Variants in SESTD1 observed in about 807,000 individuals in gnomAD.
SESTD1 encodes SEC14 and spectrin domain containing 1.
Under a neutral mutation model 101.7 loss-of-function variants are expected in SESTD1, and 43 were observed. The observed-to-expected ratio is 0.42, with a 90% CI of 0.33 to 0.55. The LOEUF (loss-of-function observed/expected upper bound fraction) is 0.55, where lower values mean the gene tolerates loss of function less well. SESTD1 is among the 20% of genes least tolerant of loss of function. The probability of loss-of-function intolerance (pLI) is 0.07; values close to 1 mark genes in which losing one functional copy is unlikely to be tolerated. For missense variants in SESTD1, 647 were observed against 815.1 expected (o/e 0.79, Z 2.51); for synonymous variants, 283 against 286.8 (o/e 0.99, Z 0.13).
chr2:179,212,115 G>A (rs1052205476), intron 1 of SESTD1, among the ~76,000 whole-genome samples: 1 of 135,074 alleles, frequency 7.4e-6, no homozygotes, highest in Admixed American at 7.2e-5. Flanking sequence ...ATTTCCAACT[G>A]AGGTACCTGG....
rs2044418827 is a variant in SESTD1, at chr2:179,107,875, T to C, written c.*2024A>G. 6.6e-6 allele frequency: 1 copy of C among 152,110 alleles called. No individual in the cohort carries two copies. 9.4% of individuals were successfully genotyped at this position (152,110 alleles called of 1,614,324 possible). On this transcript the variant is annotated 3_prime_UTR_variant, in exon 18 of 18. Coordinates refer to ENST00000428443, the MANE Select transcript of SESTD1 (RefSeq NM_178123.5). ...TGAAATAAATAATCACAAAAGTTCA[T>C]ACTCATAGCAGTAAAGCCCCAAAGG...
intron 10 of SESTD1, among the ~76,000 whole-genome samples, chr2:179,124,771 G>T (rs1013144125): frequency 1.3e-5 from 2 of 151,980 alleles, no homozygotes; most frequent in Admixed American, 6.5e-5. Context: ...TGCTCTAAGT[G>T]AAACCTGTCC....
In SESTD1 at chr2:179,202,288, G is replaced by A. The variant is rs1225209426; in HGVS notation, c.-25-10422C>T. Among the ~76,000 whole-genome samples the A allele has an allele frequency of 3.0e-5, 4 of 133,320 alleles. 1 individual carries two copies. Among genetic ancestry groups the A allele is most frequent in the Non-Finnish European group, 4.8e-5 (3 of 62,350 alleles). 87.5% of individuals were successfully genotyped at this position (133,320 alleles called of 152,430 possible). ...TACTTTCTGCTTTTTCTCCCCTAAA[G>A]AAGGCCTAATAAAATAACACTCCCC... On this transcript the variant is annotated intron_variant, in intron 1 of 17. Transcript: ENST00000428443.
chr2:179,147,130 T>C (rs1038655034), intron 7 of SESTD1, among the ~76,000 whole-genome samples: 1 of 148,832 alleles, frequency 6.7e-6, no homozygotes, highest in East Asian at 1.9e-4. Flanking sequence ...CCTCAGATGC[T>C]TCCTGAGGAT....
At position 179,121,909 on chromosome 2, in the gene SESTD1, G is replaced by A. The variant is rs1442908789; in HGVS notation, c.1303C>T (p.Arg435Cys). The A allele has an allele frequency of 1.1e-5, 18 of 1,601,304 alleles. No homozygotes were observed. The highest frequency in any genetic ancestry group is 1.4e-5 in the Non-Finnish European group (17 of 1,175,622). The change falls in exon 13 of 18, where the codon CGT becomes TGT. Residue 435 changes from arginine to cysteine, a missense_variant. Physicochemically the swap from Arg to Cys is radical, Grantham distance 180 (BLOSUM62 -3). Transcript: ENST00000428443. The stretch of plus-strand genomic sequence containing the variant: ...TCCAGGAGACCTTGACCTTTTTCAC[G>A]CAAACCTTGCAATCCCACATCTAAA... Reference protein sequence around the residue: ...KSVDVGLQGLREKGQGLLDQI... With the variant: ...KSVDVGLQGLCEKGQGLLDQI...
At chr2:179,145,684 G>C (rs553187931) in intron 8 of SESTD1, among the ~76,000 whole-genome samples, 1 of 152,178 alleles carries the variant, frequency 6.6e-6, no homozygotes, top group African/African-American at 2.4e-5. Context: ...TTTTTACATC[G>C]ATGATTATAA....
chr2:179,147,869 C>T (rs558231762), intron 7 of SESTD1, among the ~76,000 whole-genome samples: 47 of 152,292 alleles, frequency 3.1e-4, no homozygotes, highest in Non-Finnish European at 4.9e-4. Context: ...CAAACTTACT[C>T]GGATGGACTA....
At chr2:179,155,961 C>T (rs2045621018) in intron 5 of SESTD1, among the ~76,000 whole-genome samples, 1 of 152,160 alleles carries the variant, frequency 6.6e-6, no homozygotes. Context: ...CATAGCTTAG[C>T]TCCCACATAT....
chr2:179,173,619 G>A (rs1017029961), intron 4 of SESTD1, among the ~76,000 whole-genome samples: 1 of 152,170 alleles, frequency 6.6e-6, no homozygotes, highest in Non-Finnish European at 1.5e-5. Flanking sequence ...AAGTCATTGA[G>A]CTGAATAGAA....
At chr2:179,130,333 T>G (rs1289279861) in intron 10 of SESTD1, among the ~76,000 whole-genome samples, 1 of 152,122 alleles carries the variant, frequency 6.6e-6, no homozygotes, top group Non-Finnish European at 1.5e-5. Flanking sequence ...CTATAAGGTA[T>G]TTTGCAATTC....
rs368207230 is a variant in SESTD1 at position 179,161,920 on chromosome 2, GT to G, written c.369+10199del. Among the ~76,000 whole-genome samples the G allele has an allele frequency of 3.7e-3, 567 of 152,152 alleles. 6 individuals are homozygous for G. The highest frequency in any genetic ancestry group is 0.013 in the African/African-American group (535 of 41,518). ...TTGATTTCATCACACTGCATACTAT[GT>G]TTTTTACCATTATTTTTAGAGTACT... On this transcript the variant is annotated intron_variant, in intron 5 of 17. Coordinates refer to ENST00000428443, the MANE Select transcript of SESTD1 (RefSeq NM_178123.5).
At chr2:179,227,542 T>C (rs1261221768) in intron 1 of SESTD1, among the ~76,000 whole-genome samples, 1 of 152,210 alleles carries the variant, frequency 6.6e-6, no homozygotes, top group East Asian at 1.9e-4. Context: ...AAAACAGCTA[T>C]TTGAACAAAT....
rs1047994 is a variant in SESTD1 at position 179,115,216 on chromosome 2, A to T, written c.1688T>A (p.Val563Asp). The T allele has an allele frequency of 8.7e-6, 14 of 1,609,580 alleles. No individual in the cohort carries two copies. The highest frequency in any genetic ancestry group is 1.1e-5 in the Non-Finnish European group (13 of 1,179,026). ...DYGRQLLQAT[V>D]VLCQSLRCTS... is the part of the protein sequence containing the mutation. ...GCAGCGCAAAGATTGGCATAACACAACTGTGGCCTGTAGCAACTGCCTGCC... is the reference window on the plus strand; with the variant it reads ...GCAGCGCAAAGATTGGCATAACACATCTGTGGCCTGTAGCAACTGCCTGCC... The change falls in exon 16 of 18, where the codon GTT becomes GAT. Residue 563 changes from valine to aspartate, a missense_variant. Val to Asp is a radical substitution (Grantham distance 152, BLOSUM62 -3). This residue lies in a region of SESTD1 where 476 missense variants were observed against 562.6 expected (regional missense o/e 0.85). Transcript: ENST00000428443.
chr2:179,146,322 C>G, intron 8 of SESTD1, 80 bp downstream of exon 8: 1 of 1,314,380 alleles, frequency 7.6e-7, no homozygotes, highest in South Asian at 1.3e-5. Flanking sequence ...CACATTCATG[C>G]TGAATTCATG....
rs1365264850 is a variant in SESTD1, at chr2:179,185,700, T to TTATATACAATATATAATATAGTATAC, written c.56-2513_56-2512insGTATACTATATTATATATTGTATATA. Among the ~76,000 whole-genome samples the TTATATACAATATATAATATAGTATAC allele has an allele frequency of 4.0e-5, 5 of 124,796 alleles. No homozygotes were observed. The East Asian group carries it at 1.1e-3, about 28-fold the overall frequency. The allele number at this position is 124,796 out of a possible 152,430, so 81.9% of individuals were successfully genotyped here. The stretch of plus-strand genomic sequence containing the variant: ...AGCATATTATATATAATATAGTATA[T>TTATATACAATATATAATATAGTATAC]TATATACAATATATAATATAGCATA... On this transcript the variant is annotated intron_variant, in intron 2 of 17. Coordinates refer to ENST00000428443, the MANE Select transcript of SESTD1 (RefSeq NM_178123.5).
chr2:179,177,662 G>A (rs1464001190), intron 3 of SESTD1, among the ~76,000 whole-genome samples: 1 of 152,190 alleles, frequency 6.6e-6, no homozygotes, highest in Non-Finnish European at 1.5e-5. Flanking sequence ...GCCAAGCACT[G>A]AAGCTGAGCT....
chr2:179,221,147 T>C (rs1411034267), intron 1 of SESTD1, among the ~76,000 whole-genome samples: 1 of 152,132 alleles, frequency 6.6e-6, no homozygotes, highest in East Asian at 1.9e-4. Context: ...TACCAAACAC[T>C]ACATTGGGGA....
intron 5 of SESTD1, among the ~76,000 whole-genome samples, chr2:179,162,783 G>A (rs1157720692): frequency 1.3e-5 from 2 of 149,834 alleles, no homozygotes; most frequent in East Asian, 3.9e-4. Context: ...GTAGGAGTTC[G>A]AGATCAGCCT....
At chr2:179,237,942 G>A (rs1458976668) in intron 1 of SESTD1, among the ~76,000 whole-genome samples, 1 of 152,120 alleles carries the variant, frequency 6.6e-6, no homozygotes, top group Non-Finnish European at 1.5e-5. Flanking sequence ...CCTCCACATA[G>A]TCAAAAATCC....
Sources: allele counts gnomAD v4.1 joint callset (sites outside exome capture counted in the v4.1 genomes callset), GRCh38; gene constraint gnomAD v4.1.1; regional missense constraint gnomAD v4.1.1; transcripts MANE v1.5; gene names NCBI Gene and HGNC (gene_info 2026-07-23, HGNC 2026-07-21).